The following CRPPA variants were observed in gnomAD, a reference collection of about 807,000 sequenced individuals.
CRPPA encodes the protein D-ribitol-5-phosphate cytidylyltransferase.
In CRPPA, 43 loss-of-function variants were observed where a neutral mutation model predicts 52.0. The observed-to-expected ratio is 0.83, with a 90% CI of 0.65 to 1.07. CRPPA has a LOEUF of 1.07. CRPPA is among the 50% of genes least tolerant of loss of function. The probability of loss-of-function intolerance (pLI) is 0.00; values close to 1 mark genes in which losing one functional copy is unlikely to be tolerated. For missense variants in CRPPA, 629 were observed against 551.7 expected, an observed-to-expected ratio of 1.14 and a Z score of -1.40; for synonymous variants, 250 against 203.5, an observed-to-expected ratio of 1.23 and a Z score of -1.94.
intron 5 of CRPPA, among the ~76,000 whole-genome samples, chr7:16,286,037 AAATATAAATATATATAT>A (rs1784426389): frequency 1.5e-3 from 23 of 15,100 alleles, no homozygotes; most frequent in African/African-American, 3.8e-3. Flanking sequence ...AAAAAAAAAA[AAATATAAATATATATAT>A]ATATATATAT....
intron 9 of CRPPA, among the ~76,000 whole-genome samples, chr7:16,195,476 C>T (rs1251630149): frequency 6.6e-6 from 1 of 152,086 alleles, no homozygotes; most frequent in Non-Finnish European, 1.5e-5. Context: ...GATCTAACTG[C>T]ACTGAGACAG....
chr7:16,396,457 T>C (rs758124850), intron 2 of CRPPA, among the ~76,000 whole-genome samples: 5 of 152,216 alleles, frequency 3.3e-5, no homozygotes, highest in African/African-American at 4.8e-5. Context: ...GGAACACTTC[T>C]ACACTGCTGG....
intron 9 of CRPPA, among the ~76,000 whole-genome samples, chr7:16,162,815 T>A (rs997630530): frequency 6.6e-6 from 1 of 152,110 alleles, no homozygotes; most frequent in African/African-American, 2.4e-5. Context: ...GGAGTCTAAG[T>A]CTCTTTGTAG....
chr7:16,235,441 T>C (rs1291400462), intron 8 of CRPPA, among the ~76,000 whole-genome samples: 2 of 152,020 alleles, frequency 1.3e-5, no homozygotes, highest in Admixed American at 1.3e-4. Context: ...AGATTGAAAA[T>C]CTATATCAAA....
intron 1 of CRPPA, among the ~76,000 whole-genome samples, chr7:16,413,173 C>T (rs867357074): frequency 6.6e-6 from 1 of 152,144 alleles, no homozygotes; most frequent in African/African-American, 2.4e-5. Context: ...CTGACCCTGA[C>T]GTTTTAGCAG....
At chr7:16,188,512 C>A (rs1781548559) in intron 9 of CRPPA, among the ~76,000 whole-genome samples, 1 of 152,130 alleles carries the variant, frequency 6.6e-6, no homozygotes, top group Non-Finnish European at 1.5e-5. Flanking sequence ...ACTTAGAAAT[C>A]AGACTGGCTT....
At chr7:16,183,985 A>C (rs939329321) in intron 9 of CRPPA, among the ~76,000 whole-genome samples, 1 of 152,106 alleles carries the variant, frequency 6.6e-6, no homozygotes, top group African/African-American at 2.4e-5. Context: ...TCTGTCATCC[A>C]GGCTGGACTG....
chr7:16,378,918 A>G (rs933309694), intron 2 of CRPPA, among the ~76,000 whole-genome samples: 1 of 152,118 alleles, frequency 6.6e-6, no homozygotes, highest in Non-Finnish European at 1.5e-5. Context: ...TCTTTTGAGA[A>G]GTGTCTGTTC....
intron 9 of CRPPA, among the ~76,000 whole-genome samples, chr7:16,108,187 T>C (rs1782194208): frequency 6.6e-6 from 1 of 151,920 alleles, no homozygotes; most frequent in South Asian, 2.1e-4. Context: ...ACAAAGTAAC[T>C]AAATGTGTAA....
At chr7:16,309,825 A>G (rs1433909155) in intron 3 of CRPPA, among the ~76,000 whole-genome samples, 1 of 152,172 alleles carries the variant, frequency 6.6e-6, no homozygotes, top group South Asian at 2.1e-4. Flanking sequence ...CACAGTCACA[A>G]AAGGAGTTCA....
At chr7:16,173,924 A>C (rs1781242845) in intron 9 of CRPPA, among the ~76,000 whole-genome samples, 1 of 152,218 alleles carries the variant, frequency 6.6e-6, no homozygotes, top group Admixed American at 6.5e-5. Flanking sequence ...TGAAATAAGT[A>C]GCTTACTATA....
chr7:16,188,089 C>T (rs1339315397), intron 9 of CRPPA, among the ~76,000 whole-genome samples: 1 of 145,460 alleles, frequency 6.9e-6, no homozygotes, highest in Non-Finnish European at 1.5e-5. Context: ...TTCTGTCACC[C>T]AGGCTGGAGT....
Position 16,274,118 on chromosome 7 carries a change from C to T in CRPPA, c.933+4011G>A, listed in dbSNP as rs552147108. Among the ~76,000 whole-genome samples the T allele has an allele frequency of 2.0e-4, 31 of 152,254 alleles. 1 individual carries two copies. In the Middle Eastern group the frequency reaches 0.014, roughly 67 times the overall value. On this transcript the variant is annotated intron_variant, in intron 6 of 9. Coordinates refer to ENST00000407010, the MANE Select transcript of CRPPA (RefSeq NM_001101426.4). ...AGGCTGGAGTGCAGCGGCGCGATCT[C>T]GGCTCACTGCAACCTCTGCCTCCCG...
chr7:16,230,181 T>C (rs1252191716), intron 8 of CRPPA, among the ~76,000 whole-genome samples: 3 of 152,162 alleles, frequency 2.0e-5, no homozygotes, highest in Non-Finnish European at 4.4e-5. Flanking sequence ...ATTTACACTG[T>C]TCTCCAAAAT....
intron 6 of CRPPA, among the ~76,000 whole-genome samples, chr7:16,277,716 A>G (rs1004608208): frequency 6.6e-6 from 1 of 152,130 alleles, no homozygotes. Flanking sequence ...TCGCTTTTCC[A>G]ATATCATGAT....
In CRPPA at chr7:16,406,333, A is replaced by C; in HGVS notation, c.262T>G (p.Cys88Gly). Reference protein sequence around the residue: ...SYTLQALERVCWIKDIVVAVT... With the variant: ...SYTLQALERVGWIKDIVVAVT... ...GCCACAACAATGTCCTTTATCCAAC[A>C]TACTCTAAAAGGAAAGTATATGTAC... The change falls in exon 2 of 10, where the codon TGT (cysteine) becomes GGT (glycine). Residue 88 changes from cysteine (C) to glycine (G), a missense_variant. Transcript: ENST00000407010. The C allele has an allele frequency of 1.9e-6, 3 of 1,612,224 alleles. No homozygotes were observed. The highest frequency in any genetic ancestry group is 1.7e-6 in the Non-Finnish European group (2 of 1,178,436).
chr7:16,144,303 T>C (rs1027620425), intron 9 of CRPPA, among the ~76,000 whole-genome samples: 2 of 152,168 alleles, frequency 1.3e-5, no homozygotes, highest in African/African-American at 4.8e-5. Context: ...CCAACTGAAG[T>C]TCCTGAAGCA....
intron 3 of CRPPA, among the ~76,000 whole-genome samples, chr7:16,339,100 C>T (rs1317903904): frequency 2.6e-5 from 4 of 152,078 alleles, no homozygotes; most frequent in African/African-American, 7.2e-5. Context: ...CCACCGTACC[C>T]GGCCTCTAGC....
At chr7:16,126,668 T>C (rs144130140) in intron 9 of CRPPA, among the ~76,000 whole-genome samples, 262 of 152,234 alleles carry the variant, frequency 1.7e-3, no homozygotes, top group African/African-American at 5.5e-3. Flanking sequence ...AAAAACTCAA[T>C]AGAAGACTAC....
Sources: gnomAD v4.1 joint callset for allele counts (sites outside exome capture counted in the v4.1 genomes callset) on GRCh38, gnomAD v4.1.1 for gene constraint, MANE v1.5 for transcripts, NCBI Gene and HGNC (gene_info 2026-07-23, HGNC 2026-07-21) for gene names.